The following BAHD1 variants were observed in gnomAD, a reference collection of about 807,000 sequenced individuals.
BAHD1 encodes bromo adjacent homology domain-containing 1 protein.
In BAHD1, 20 loss-of-function variants were observed where a neutral mutation model predicts 63.1. The observed-to-expected ratio is 0.32, with a 90% CI of 0.22 to 0.46. The LOEUF (loss-of-function observed/expected upper bound fraction) is 0.46, where lower values mean the gene tolerates loss of function less well. Ranked by LOEUF, BAHD1 falls within the 20% of genes least tolerant of loss-of-function variation. The probability of loss-of-function intolerance (pLI) is 1.00; values close to 1 mark genes in which losing one functional copy is unlikely to be tolerated. For synonymous variants in BAHD1, 408 were observed against 426.8 expected (o/e 0.96, Z 0.54); for missense variants, 939 against 1,071.8 (o/e 0.88, Z 1.73).
intron 1 of BAHD1, among the ~76,000 whole-genome samples, chr15:40,449,606 C>G (rs1158768516): frequency 6.6e-6 from 1 of 151,542 alleles, no homozygotes; most frequent in African/African-American, 2.4e-5. Context: ...TTGAGACCAG[C>G]CTGGGCAACA....
Position 40,466,195 on chromosome 15 carries a change from G to T in BAHD1, c.*65G>T. 6.9e-7 allele frequency: 1 copy of T among 1,443,062 alleles called. No homozygotes were observed. The highest frequency in any genetic ancestry group is 9.3e-7 in the Non-Finnish European group (1 of 1,072,904). The allele number at this position is 1,443,062 out of a possible 1,614,324, so 89.4% of individuals were successfully genotyped here. ...GGGCTCGGGGTAGGGGGCACTGCTT[G>T]AAGCACAGCACTTGGTTAGGGGGCC... On this transcript the variant is annotated 3_prime_UTR_variant, in exon 7 of 7. Transcript: ENST00000416165.
chr15:40,443,410 C>G (rs1893455856), intron 1 of BAHD1: 3 of 744,626 alleles, frequency 4.0e-6, no homozygotes, highest in Admixed American at 6.3e-5. Flanking sequence ...GATGATGAAT[C>G]TCAAGGCCTT....
In BAHD1 at chr15:40,458,721, C is replaced by T. The variant is rs762964387; in HGVS notation, c.257C>T (p.Ala86Val). The change falls in exon 2 of 7, where the codon GCA becomes GTA. Residue 86 changes from alanine to valine, a missense_variant. Transcript: ENST00000416165. This position sits in a 1 kb window ranked among gnomAD's most constrained non-coding sequence, Gnocchi z 4.7. ...RLENVAGPRS[A>V]DEADELPPDL... ...GAGAATGTGGCCGGTCCCCGGAGTG[C>T]AGATGAGGCTGATGAGCTACCGCCT... 1 of 1,613,562 alleles carries T rather than the reference C, an allele frequency of 6.2e-7. No individual in the cohort carries two copies. The highest frequency in any genetic ancestry group is 1.3e-5 in the African/African-American group (1 of 74,928).
chr15:40,459,969 T>C, intron 2 of BAHD1, 73 bp downstream of exon 2: 1 of 1,483,530 alleles, frequency 6.7e-7, no homozygotes, highest in Non-Finnish European at 8.9e-7. Context: ...GGGCTGTTGA[T>C]CTGAGCAGGG....
intron 1 of BAHD1, among the ~76,000 whole-genome samples, chr15:40,456,058 C>T (rs1318210163): frequency 6.6e-6 from 1 of 152,204 alleles, no homozygotes; most frequent in Non-Finnish European, 1.5e-5. Context: ...CTGCAACCTC[C>T]ACCTCCTGGG....
rs376277092 is a variant in BAHD1 at position 40,458,927 on chromosome 15, C to T, written c.463C>T (p.Arg155Cys). The change falls in exon 2 of 7, where the codon CGT becomes TGT. Residue 155 changes from arginine (R) to cysteine (C), a missense_variant. By Grantham distance (180) the Arg-to-Cys change is radical. Around this residue, in one of 5 missense-constraint regions of BAHD1, gnomAD observed 797 missense variants for 813.3 expected, o/e 0.98. Transcript: ENST00000416165. This position sits in a 1 kb window ranked among gnomAD's most constrained non-coding sequence, Gnocchi z 4.7. ...RSRAGDPHRS[R>C]DRDRATGGWS... ...TCGAGCAGGGGATCCCCACCGCAGCCGTGACCGTGATCGTGCTACTGGGGG... is the reference window on the plus strand; with the variant it reads ...TCGAGCAGGGGATCCCCACCGCAGCTGTGACCGTGATCGTGCTACTGGGGG... 3.4e-5 allele frequency: 54 copies of T among 1,595,956 alleles called. 1 individual carries two copies. Among genetic ancestry groups the T allele is most frequent in the South Asian group, 2.6e-4 (23 of 88,810 alleles).
Position 40,461,916 on chromosome 15 carries a change from C to T in BAHD1, c.1437C>T (p.Gly479=), listed in dbSNP as rs1595862169. 6.3e-7 allele frequency: 1 copy of T among 1,593,416 alleles called. No homozygotes were observed. The highest frequency in any genetic ancestry group is 1.1e-5 in the South Asian group (1 of 88,434). ...CPYKMPFAAE[G]CRSLGQLEFP... is the part of the protein sequence containing the mutation. The stretch of plus-strand genomic sequence containing the variant: ...ACCACTCTCTCCCTTTCCTAGAAGG[C>T]TGCAGATCCCTGGGCCAGTTGGAAT... Residue 479 remains glycine (G), a synonymous_variant, in exon 3 of 7, where the codon GGC becomes GGT. Coordinates refer to ENST00000416165, the MANE Select transcript of BAHD1 (RefSeq NM_014952.5).
chr15:40,464,628 G>A, intron 5 of BAHD1, 81 bp downstream of exon 5: 1 of 1,171,080 alleles, frequency 8.5e-7, no homozygotes, highest in Non-Finnish European at 1.2e-6. Context: ...GTAGGGGGAG[G>A]GCAGCCATGG....
intron 5 of BAHD1, 66 bp downstream of exon 5, chr15:40,464,613 A>T (rs368814749): frequency 2.9e-6 from 4 of 1,393,518 alleles, no homozygotes; most frequent in East Asian, 2.4e-5. Flanking sequence ...TGGCACTAAG[A>T]CGTGGTAGGG....
chr15:40,460,708 G>C (rs559423232), intron 2 of BAHD1, among the ~76,000 whole-genome samples: 3 of 152,282 alleles, frequency 2.0e-5, no homozygotes, highest in Non-Finnish European at 4.4e-5. Flanking sequence ...GTGGAAATGA[G>C]ACATGCTGGC....
Position 40,459,750 on chromosome 15 carries a change from A to G in BAHD1, c.1286A>G (p.Gln429Arg). The change falls in exon 2 of 7, where the codon CAG becomes CGG. Residue 429 changes from glutamine to arginine, a missense_variant. Gln to Arg is a conservative substitution (Grantham distance 43, BLOSUM62 1). Coordinates refer to ENST00000416165, the MANE Select transcript of BAHD1 (RefSeq NM_014952.5). The stretch of plus-strand genomic sequence containing the variant: ...TCAGTGCCCTCAGGCACCCCTTTCC[A>G]GCACCCTCCCTGGGGCTCCTCTCGC... ...PSSVPSGTPF[Q>R]HPPWGSSRYC... 6.2e-7 allele frequency: 1 copy of G among 1,613,936 alleles called. No homozygotes were observed. Among genetic ancestry groups the G allele is most frequent in the African/African-American group, 1.3e-5 (1 of 75,064 alleles).
intron 1 of BAHD1, among the ~76,000 whole-genome samples, chr15:40,456,767 C>T (rs1483952302): frequency 6.6e-6 from 1 of 152,222 alleles, no homozygotes; most frequent in Non-Finnish European, 1.5e-5. Context: ...TGAGTGTGAA[C>T]AGCAATAGCA....
intron 6 of BAHD1, 48 bp from the exon 7 acceptor site, chr15:40,465,893 C>A (rs1894185764): frequency 6.6e-7 from 1 of 1,522,284 alleles, no homozygotes; most frequent in African/African-American, 1.4e-5. Flanking sequence ...AATTGGTCTT[C>A]CTGCAAAAGT....
Position 40,465,201 on chromosome 15 carries a change from A to G in BAHD1, c.2053-134A>G, listed in dbSNP as rs1377402169. The stretch of plus-strand genomic sequence containing the variant: ...TGGAGGCAGTAGGTGAGGCATACTT[A>G]GGCTGAATTTCCAGGGAAGCTTGCT... On this transcript the variant is annotated intron_variant, in intron 5 of 6. Transcript: ENST00000416165. 4.1e-6 allele frequency: 3 copies of G among 727,060 alleles called. No homozygotes were observed. In the African/African-American group the frequency reaches 5.2e-5, roughly 13 times the overall value. 45.0% of individuals were successfully genotyped at this position (727,060 alleles called of 1,614,324 possible).
In BAHD1 at chr15:40,468,163, C is replaced by A; in HGVS notation, c.*2033C>A. ...GGGAGGAAGGACCTTTCCTCACCTC[C>A]CTTTTGACAGAGATTAGAAGTACTT... On this transcript the variant is annotated 3_prime_UTR_variant, in exon 7 of 7. Transcript: ENST00000416165. 6.6e-6 allele frequency: 1 copy of A among 152,620 alleles called. No homozygotes were observed. 9.5% of individuals were successfully genotyped at this position (152,620 alleles called of 1,614,324 possible).
At chr15:40,441,427 G>T (rs1893398191) in intron 1 of BAHD1, among the ~76,000 whole-genome samples, 159 bp downstream of exon 1, 1 of 150,546 alleles carries the variant, frequency 6.6e-6, no homozygotes, top group South Asian at 2.1e-4. Context: ...GGAAGGGACG[G>T]ACGGACGGAC....
In BAHD1 at chr15:40,462,137, C is replaced by T; in HGVS notation, c.1658C>T (p.Ser553Phe). ...SGSKSGLRTGSSCRHTARSKA... is the reference protein window; with the variant it reads ...SGSKSGLRTGFSCRHTARSKA... ...TCTAAGTCAGGTCTGCGCACAGGCT[C>T]CAGCTGCAGGCACACTGCAAGGAGC... The change falls in exon 3 of 7, where the codon TCC becomes TTC. Residue 553 changes from serine (S) to phenylalanine (F), a missense_variant. By Grantham distance (155) the Ser-to-Phe change is radical. Transcript: ENST00000416165. 1 of 1,612,420 alleles carries T rather than the reference C, an allele frequency of 6.2e-7. No individual in the cohort carries two copies. The highest frequency in any genetic ancestry group is 8.5e-7 in the Non-Finnish European group (1 of 1,179,992).
At chr15:40,461,809 C>T (rs757752278) in intron 2 of BAHD1, 103 bp from the exon 3 acceptor site, 41 of 1,442,324 alleles carry the variant, frequency 2.8e-5, no homozygotes, top group Non-Finnish European at 3.7e-5. Context: ...CCTCAGTGGC[C>T]TTTGGTTGCA....
At position 40,441,018 on chromosome 15, in the gene BAHD1, C is replaced by G. The variant is rs982078546; in HGVS notation, c.-265C>G. ...AGCCCGGCCCCCGCCGCCCGCCCGT[C>G]CGGCTGCCTGCCCCGCCCGTCCGGC... On this transcript the variant is annotated 5_prime_UTR_variant, in exon 1 of 7. Coordinates refer to ENST00000416165, the MANE Select transcript of BAHD1 (RefSeq NM_014952.5). Among the ~76,000 whole-genome samples, 1 of 147,444 alleles carries G rather than the reference C, an allele frequency of 6.8e-6. No individual in the cohort carries two copies. Among genetic ancestry groups the G allele is most frequent in the Non-Finnish European group, 1.5e-5 (1 of 66,110 alleles).
Sources: gnomAD v4.1 joint callset for allele counts (sites outside exome capture counted in the v4.1 genomes callset) on GRCh38, gnomAD v4.1.1 for gene constraint, gnomAD v4.1.1 regional missense constraint, Gnocchi (gnomAD v3.1) non-coding constraint, MANE v1.5 for transcripts, NCBI Gene and HGNC (gene_info 2026-07-23, HGNC 2026-07-21) for gene names.